CASQ1: variants seen among roughly 807,000 people sequenced by gnomAD.
CASQ1 encodes the protein calsequestrin-1.
A neutral mutation model predicts 49.5 loss-of-function variants in CASQ1; 40 were observed. The ratio of observed to expected loss-of-function variants is 0.81; its 90% confidence interval spans 0.63 to 1.05. The LOEUF is 1.05. CASQ1 is among the 50% of genes least tolerant of loss of function. The pLI, the probability that CASQ1 is intolerant of heterozygous loss-of-function variation, is 0.00. For missense variants in CASQ1, 469 were observed against 486.9 expected (o/e 0.96, Z 0.35); for synonymous variants, 174 against 187.2 (o/e 0.93, Z 0.58).
chr1:160,196,012 TG>T lies in CASQ1; in HGVS notation c.769del (p.Glu257ArgfsTer8). On this transcript the variant is annotated frameshift_variant, in exon 6 of 11. Transcript: ENST00000368078. LOFTEE classifies it high-confidence loss of function. Reference sequence around the variant, plus strand: ...AGCGAAGAGGAGATTGTCAACTTCGTGGAGGAGCACAGGAGGTGGGGACCAA... The same window carrying T: ...AGCGAAGAGGAGATTGTCAACTTCGTGAGGAGCACAGGAGGTGGGGACCAA... ...PNSEEEIVNF[V>X]EEHRRSTLRK... 6.2e-7 allele frequency: 1 copy of T among 1,613,988 alleles called. No homozygotes were observed. The highest frequency in any genetic ancestry group is 8.5e-7 in the Non-Finnish European group (1 of 1,179,946).
In CASQ1 at chr1:160,192,791, C is replaced by CT. The variant is rs767767161; in HGVS notation, c.280-9dup. The CT allele has an allele frequency of 6.2e-7, 1 of 1,612,210 alleles. No homozygotes were observed. The highest frequency in any genetic ancestry group is 8.5e-7 in the Non-Finnish European group (1 of 1,178,492). ...CCAGGGGCTAATTTTAATCATAATC[C>CT]TTCCCTCCAGTTAGCAGCCCAAGTC... is the stretch of plus-strand genomic sequence containing the variant. On this transcript the variant is annotated splice_polypyrimidine_tract_variant and intron_variant, in intron 1 of 10. Transcript: ENST00000368078.
intron 8 of CASQ1, 21 bp from the exon 9 acceptor site, chr1:160,198,932 T>C: frequency 1.3e-6 from 2 of 1,490,312 alleles, no homozygotes; most frequent in Non-Finnish European, 1.9e-6. Flanking sequence ...CCTCATACCT[T>C]GTACTTGTGT....
intron 3 of CASQ1, among the ~76,000 whole-genome samples, chr1:160,194,067 T>A (rs540015195): frequency 1.4e-3 from 192 of 141,068 alleles, no homozygotes; most frequent in African/African-American, 4.9e-3. Flanking sequence ...CACACAATAG[T>A]TCACAAATCA....
At chr1:160,196,539 G>A (rs1016403926) in intron 6 of CASQ1, among the ~76,000 whole-genome samples, 2 of 150,156 alleles carry the variant, frequency 1.3e-5, no homozygotes, top group Admixed American at 6.7e-5. Flanking sequence ...GCACAGTGGC[G>A]CCATCTTGGC....
intron 1 of CASQ1, 170 bp from the exon 2 acceptor site, chr1:160,192,632 G>A: frequency 1.6e-6 from 1 of 643,894 alleles, no homozygotes; most frequent in Non-Finnish European, 2.8e-6. Flanking sequence ...GCCAAAAACA[G>A]AACTGTGTGG....
At position 160,201,370 on chromosome 1, in the gene CASQ1, T is replaced by C. The variant is rs145957206; in HGVS notation, c.1185T>C (p.Asp395=). Residue 395 remains aspartate, a synonymous_variant, in exon 11 of 11, where the codon GAT becomes GAC. Coordinates refer to ENST00000368078, the MANE Select transcript of CASQ1 (RefSeq NM_001231.5). ...INTEDDDDDD[D]D Reference sequence around the variant, plus strand: ...CAGAGGACGATGACGATGATGATGATGACTAGTTGCTATGGCAACCATCTT... The same window carrying C: ...CAGAGGACGATGACGATGATGATGACGACTAGTTGCTATGGCAACCATCTT... 1.3e-4 allele frequency: 208 copies of C among 1,613,938 alleles called. No homozygotes were observed. The highest frequency in any genetic ancestry group is 5.2e-4 in the African/African-American group (39 of 75,050).
Position 160,198,982 on chromosome 1 carries a change from G to T in CASQ1, c.913G>T (p.Ala305Ser), listed in dbSNP as rs373107402. ...DGFEFLETLK[A>S]VAQDNTENPD... ...TTTCGAGTTCTTAGAGACTCTCAAG[G>T]CTGTGGCCCAAGATAACACTGAAAA... The change falls in exon 9 of 11, where the codon GCT becomes TCT. Residue 305 changes from alanine (A) to serine (S), a missense_variant. Ala to Ser is a moderately conservative substitution (Grantham distance 99). Coordinates refer to ENST00000368078, the MANE Select transcript of CASQ1 (RefSeq NM_001231.5). 1 of 1,612,918 alleles carries T rather than the reference G, an allele frequency of 6.2e-7. No homozygotes were observed.
In CASQ1 at chr1:160,191,013, G is replaced by C; in HGVS notation, c.262G>C (p.Glu88Gln). 1.2e-6 allele frequency: 2 copies of C among 1,614,104 alleles called. No individual in the cohort carries two copies. Among genetic ancestry groups the C allele is most frequent in the Non-Finnish European group, 1.7e-6 (2 of 1,179,996 alleles). ...DKASQRQFEM[E>Q]ELILELAAQV... ...GGCCTCACAAAGACAATTTGAGATG[G>C]AGGAGCTGATCCTGGAGGTGAGTTG... is the stretch of plus-strand genomic sequence containing the variant. The change falls in exon 1 of 11, where the codon GAG becomes CAG. Residue 88 changes from glutamate (E) to glutamine (Q), a missense_variant. Physicochemically the swap from Glu to Gln is conservative, Grantham distance 29. Coordinates refer to ENST00000368078, the MANE Select transcript of CASQ1 (RefSeq NM_001231.5).
rs781438559 is a variant in CASQ1 at position 160,190,780 on chromosome 1, G to C, written c.29G>C (p.Arg10Thr). The C allele has an allele frequency of 5.0e-6, 8 of 1,614,024 alleles. No homozygotes were observed. The highest frequency in any genetic ancestry group is 6.8e-6 in the Non-Finnish European group (8 of 1,180,008). Residue 10 changes from arginine to threonine, a missense_variant, in exon 1 of 11, where the codon AGA becomes ACA. Coordinates refer to ENST00000368078, the MANE Select transcript of CASQ1 (RefSeq NM_001231.5). Reference sequence around the variant, plus strand: ...AGTGCTACAGACAGGATGGGGCCCAGAGCTGTGCCGGGTCTGCGGCTGGCA... The same window carrying C: ...AGTGCTACAGACAGGATGGGGCCCACAGCTGTGCCGGGTCTGCGGCTGGCA... The part of the protein sequence containing the change: MSATDRMGP[R>T]AVPGLRLALL...
Position 160,201,512 on chromosome 1 carries a change from G to T in CASQ1, c.*136G>T. On this transcript the variant is annotated 3_prime_UTR_variant, in exon 11 of 11. Coordinates refer to ENST00000368078, the MANE Select transcript of CASQ1 (RefSeq NM_001231.5). ...GCTAACTGGGGTCTATATGCTGGGT[G>T]CTGAGACACTGATCCCCCTCATTTG... 2.3e-6 allele frequency: 2 copies of T among 862,898 alleles called. No individual in the cohort carries two copies. The highest frequency in any genetic ancestry group is 3.3e-5 in the South Asian group (2 of 60,248). The allele number at this position is 862,898 out of a possible 1,614,324, so 53.5% of individuals were successfully genotyped here. A position where few individuals can be genotyped will look rare whatever the true frequency, so the allele number is the denominator to read the frequency against.
intron 8 of CASQ1, 85 bp from the exon 9 acceptor site, chr1:160,198,868 C>A: frequency 8.6e-7 from 1 of 1,159,006 alleles, no homozygotes; most frequent in African/African-American, 1.5e-5. Flanking sequence ...GCTTGGGGAG[C>A]AGGGAGGTAG....
At position 160,201,355 on chromosome 1, in the gene CASQ1, T is replaced by G; in HGVS notation, c.1170T>G (p.Asp390Glu). Reference sequence around the variant, plus strand: ...AGGGCGAGATCAACACAGAGGACGATGACGATGATGATGATGACTAGTTGC... The same window carrying G: ...AGGGCGAGATCAACACAGAGGACGAGGACGATGATGATGATGACTAGTTGC... ...VLEGEINTED[D>E]DDDDDD is the part of the protein sequence containing the mutation. The change falls in exon 11 of 11, where the codon GAT becomes GAG. Residue 390 changes from aspartate (D) to glutamate (E), a missense_variant. Physicochemically the swap from Asp to Glu is conservative, Grantham distance 45. Transcript: ENST00000368078. 1 of 1,614,040 alleles carries G rather than the reference T, an allele frequency of 6.2e-7. No individual in the cohort carries two copies. Among genetic ancestry groups the G allele is most frequent in the Non-Finnish European group, 8.5e-7 (1 of 1,179,938 alleles).
rs535556231 is a variant in CASQ1, at chr1:160,201,566, C to T, written c.*190C>T. Reference sequence around the variant, plus strand: ...AGCAAATGAGCTACTTTTCCCTAGACACCAGGCCAGCTCTCTCTTATCTGA... The same window carrying T: ...AGCAAATGAGCTACTTTTCCCTAGATACCAGGCCAGCTCTCTCTTATCTGA... On this transcript the variant is annotated 3_prime_UTR_variant, in exon 11 of 11. Coordinates refer to ENST00000368078, the MANE Select transcript of CASQ1 (RefSeq NM_001231.5). 1.5e-5 allele frequency: 9 copies of T among 615,040 alleles called. No homozygotes were observed. The African/African-American group carries it at 1.7e-4, about 11-fold the overall frequency. The allele number at this position is 615,040 out of a possible 1,614,324, so 38.1% of individuals were successfully genotyped here.
chr1:160,198,585 T>A, intron 7 of CASQ1, 92 bp from the exon 8 acceptor site: 1 of 890,398 alleles, frequency 1.1e-6, no homozygotes, highest in Admixed American at 2.2e-5. Context: ...TGAGGTTCAA[T>A]GAACATCTAG....
At chr1:160,196,530 C>T (rs1275513906) in intron 6 of CASQ1, among the ~76,000 whole-genome samples, 1 of 151,224 alleles carries the variant, frequency 6.6e-6, no homozygotes, top group African/African-American at 2.4e-5. Context: ...TAGGCTGGAG[C>T]ACAGTGGCGC....
intron 5 of CASQ1, 43 bp from the exon 6 acceptor site, chr1:160,195,854 C>G: frequency 6.2e-7 from 1 of 1,602,388 alleles, no homozygotes; most frequent in Non-Finnish European, 8.5e-7. Flanking sequence ...CGACATGACC[C>G]TGTGTCTCCT....
chr1:160,190,825 T>C lies in CASQ1; in HGVS notation c.74T>C (p.Leu25Pro), dbSNP rs143155398. Residue 25 changes from leucine (L) to proline (P), a missense_variant, in exon 1 of 11, where the codon CTA becomes CCA. Transcript: ENST00000368078. ...LRLALLLLLV[L>P]GTPKSGVQGQ... The stretch of plus-strand genomic sequence containing the variant: ...CTGGCACTGCTGTTGCTGCTGGTGC[T>C]AGGGACACCCAAGTCAGGGGTACAG... 6.2e-7 allele frequency: 1 copy of C among 1,614,018 alleles called. No individual in the cohort carries two copies. The highest frequency in any genetic ancestry group is 8.5e-7 in the Non-Finnish European group (1 of 1,180,026).
intron 3 of CASQ1, among the ~76,000 whole-genome samples, chr1:160,194,636 A>G (rs1056003454): frequency 7.0e-6 from 1 of 142,526 alleles, no homozygotes; most frequent in African/African-American, 2.6e-5. Flanking sequence ...TACACACACC[A>G]CACATTCACA....
chr1:160,192,556 G>T (rs1197483918), intron 1 of CASQ1: 1 of 458,812 alleles, frequency 2.2e-6, no homozygotes, highest in African/African-American at 2.0e-5. Context: ...ATTGAGTGCA[G>T]TGTCTTCAAG....
Sources: gnomAD v4.1 joint callset for allele counts (sites outside exome capture counted in the v4.1 genomes callset) on GRCh38, gnomAD v4.1.1 for gene constraint, MANE v1.5 for transcripts, NCBI Gene and HGNC (gene_info 2026-07-23, HGNC 2026-07-21) for gene names.